The following INSYN2B variants were observed in gnomAD, a reference collection of about 807,000 sequenced individuals.
INSYN2B encodes the protein inhibitory synaptic factor family member 2B.
INSYN2B carries 16 observed loss-of-function variants against 41.2 expected under a neutral mutation model. The observed-to-expected ratio is 0.39, with a 90% confidence interval of 0.26 to 0.59. The LOEUF (loss-of-function observed/expected upper bound fraction) is 0.59. Among genes scored for constraint, INSYN2B ranks in the 20% least tolerant of loss-of-function variants. INSYN2B has a pLI of 0.57. For synonymous variants in INSYN2B, 245 were observed against 244.4 expected (o/e 1.00, Z -0.02); for missense variants, 608 against 646.4 (o/e 0.94, Z 0.64).
At chr5:169,948,325 G>A (rs990913506) in intron 1 of INSYN2B, among the ~76,000 whole-genome samples, 1 of 152,122 alleles carries the variant, frequency 6.6e-6, no homozygotes, top group Non-Finnish European at 1.5e-5. Context: ...ACACATAAGT[G>A]TTATGAAAAA....
intron 3 of INSYN2B, among the ~76,000 whole-genome samples, chr5:169,865,086 G>A (rs993526550): frequency 6.6e-6 from 1 of 152,128 alleles, no homozygotes; most frequent in Admixed American, 6.5e-5. Context: ...GATATATCTT[G>A]GAGAGCTTTA....
chr5:169,936,818 T>C (rs1371744771), intron 1 of INSYN2B, among the ~76,000 whole-genome samples: 1 of 152,192 alleles, frequency 6.6e-6, no homozygotes, highest in East Asian at 1.9e-4. Flanking sequence ...ATTAGCTAAA[T>C]TGACAAAACT....
chr5:169,900,379 C>G, intron 1 of INSYN2B, among the ~76,000 whole-genome samples: 1 of 152,172 alleles, frequency 6.6e-6, no homozygotes, highest in East Asian at 1.9e-4. Flanking sequence ...TGCCTTGAGT[C>G]TAGACGTGAA....
chr5:169,947,299 ATG>A (rs35566833), intron 1 of INSYN2B, among the ~76,000 whole-genome samples: 13 of 152,340 alleles, frequency 8.5e-5, no homozygotes, highest in African/African-American at 3.1e-4. Flanking sequence ...TGAAGAGGAG[ATG>A]GGTCTTGGAA....
intron 1 of INSYN2B, among the ~76,000 whole-genome samples, chr5:169,899,073 G>A (rs1052739783): frequency 2.0e-5 from 3 of 152,184 alleles, no homozygotes; most frequent in African/African-American, 7.2e-5. Flanking sequence ...AGTGCAAGAT[G>A]GCAAGTAAAA....
At chr5:169,902,887 C>A (rs1774009425) in intron 1 of INSYN2B, among the ~76,000 whole-genome samples, 1 of 152,056 alleles carries the variant, frequency 6.6e-6, no homozygotes, top group African/African-American at 2.4e-5. Flanking sequence ...ATCACAAGGT[C>A]AAGAGATCGA....
In INSYN2B at chr5:169,958,094, G is replaced by T. The variant is rs376983663; in HGVS notation, c.-919+22183C>A. ...TGTGTGGAACCAAGCAAACATGAGT[G>T]CAAGTGTGAAACATGACGTCCACAT... On this transcript the variant is annotated intron_variant, in intron 1 of 3. Transcript: ENST00000377365. Among the ~76,000 whole-genome samples the T allele has an allele frequency of 1.9e-3, 282 of 152,276 alleles. 6 individuals carry two copies. The South Asian group carries it at 0.049, about 26-fold the overall frequency.
rs151288539 is a variant in INSYN2B at position 169,966,279 on chromosome 5, T to TA, written c.-919+13997dup. Among the ~76,000 whole-genome samples the TA allele has an allele frequency of 3.0e-3, 464 of 152,282 alleles. 3 individuals carry two copies. The highest frequency in any genetic ancestry group is 4.5e-3 in the Non-Finnish European group (305 of 68,026). ...TAAAATGGGCTGCAAATGTGTACAG[T>TA]AAGATTATTTTGGGGGGCGGGGGTT... On this transcript the variant is annotated intron_variant, in intron 1 of 3. Coordinates refer to ENST00000377365, the MANE Select transcript of INSYN2B (RefSeq NM_001129891.3).
rs770883239 is a variant in INSYN2B, at chr5:169,883,186, T to A, written c.713A>T (p.Asp238Val). 2.5e-5 allele frequency: 39 copies of A among 1,551,534 alleles called. 1 individual carries two copies. In the South Asian group the frequency reaches 4.5e-4, roughly 18 times the overall value. ...CCTTCTCCCATCACCTGGACGTGTGTCATCCAAAGGGTGTATGGAGTTACT... is the reference window on the plus strand; with the variant it reads ...CCTTCTCCCATCACCTGGACGTGTGACATCCAAAGGGTGTATGGAGTTACT... ...EVSNSIHPLD[D>V]TRPGDGRRVT... Residue 238 changes from aspartate (D) to valine (V), a missense_variant, in exon 2 of 4, where the codon GAC (aspartate) becomes GTC (valine). Physicochemically the swap from Asp to Val is radical, Grantham distance 152. Transcript: ENST00000377365.
At chr5:169,939,810 A>T (rs775716541) in intron 1 of INSYN2B, among the ~76,000 whole-genome samples, 1 of 152,214 alleles carries the variant, frequency 6.6e-6, no homozygotes, top group Non-Finnish European at 1.5e-5. Flanking sequence ...AGGTAAAAAA[A>T]GTCAACCTAG....
intron 1 of INSYN2B, among the ~76,000 whole-genome samples, chr5:169,956,040 A>G (rs983494981): frequency 1.2e-4 from 16 of 134,662 alleles, no homozygotes; most frequent in African/African-American, 4.4e-4. Flanking sequence ...CATAGATTTG[A>G]AAAAAAAAAA....
intron 1 of INSYN2B, among the ~76,000 whole-genome samples, chr5:169,917,164 G>A (rs1774920175): frequency 6.6e-6 from 1 of 152,180 alleles, no homozygotes; most frequent in Non-Finnish European, 1.5e-5. Flanking sequence ...AAAATTCACA[G>A]CAACCAATCT....
chr5:169,873,315 T>C (rs1772104741), intron 3 of INSYN2B, among the ~76,000 whole-genome samples: 1 of 152,232 alleles, frequency 6.6e-6, no homozygotes, highest in Non-Finnish European at 1.5e-5. Context: ...TTTTACATTT[T>C]ACATGTACCC....
At chr5:169,888,630 G>T (rs962342932) in intron 1 of INSYN2B, among the ~76,000 whole-genome samples, 13 of 152,220 alleles carry the variant, frequency 8.5e-5, no homozygotes, top group African/African-American at 3.1e-4. Flanking sequence ...ACAGTGAGGG[G>T]TTAAGTGCAT....
At chr5:169,976,061 T>C (rs1777706806) in intron 1 of INSYN2B, among the ~76,000 whole-genome samples, 1 of 152,222 alleles carries the variant, frequency 6.6e-6, no homozygotes, top group Non-Finnish European at 1.5e-5. Flanking sequence ...TTTCAGCTTT[T>C]ATGGAGGGGG....
At chr5:169,890,219 C>T (rs1773204784) in intron 1 of INSYN2B, among the ~76,000 whole-genome samples, 1 of 152,190 alleles carries the variant, frequency 6.6e-6, no homozygotes, top group South Asian at 2.1e-4. Flanking sequence ...TGTGTTAGTC[C>T]TGTTTCCTCA....
intron 1 of INSYN2B, among the ~76,000 whole-genome samples, chr5:169,941,081 G>A (rs563826585): frequency 2.0e-5 from 3 of 152,164 alleles, no homozygotes; most frequent in South Asian, 4.1e-4. Context: ...AGTCACCCAC[G>A]CTGAGTCTTT....
intron 1 of INSYN2B, among the ~76,000 whole-genome samples, chr5:169,895,010 C>A (rs1159726382): frequency 1.3e-5 from 2 of 152,138 alleles, no homozygotes; most frequent in Admixed American, 1.3e-4. Context: ...TCATTCATTT[C>A]CTCCTCTCGT....
At chr5:169,903,650 T>A (rs1246654205) in intron 1 of INSYN2B, among the ~76,000 whole-genome samples, 1 of 152,086 alleles carries the variant, frequency 6.6e-6, no homozygotes, top group East Asian at 1.9e-4. Flanking sequence ...GGCTCTTTTG[T>A]GGAACTGATA....
Sources: gnomAD v4.1 joint callset for allele counts (sites outside exome capture counted in the v4.1 genomes callset) on GRCh38, gnomAD v4.1.1 for gene constraint, MANE v1.5 for transcripts, NCBI Gene and HGNC (gene_info 2026-07-23, HGNC 2026-07-21) for gene names.